The following MIPOL1 variants were observed in gnomAD, a reference collection of about 807,000 sequenced individuals.
The protein encoded by MIPOL1 is mirror-image polydactyly 1.
In MIPOL1, 57 loss-of-function variants were observed where a neutral mutation model predicts 60.9. The ratio of observed to expected loss-of-function variants is 0.94; its 90% CI spans 0.76 to 1.17. MIPOL1 has a LOEUF of 1.17. Among genes scored for constraint, MIPOL1 ranks in the 50% most tolerant of loss-of-function variants. MIPOL1 has a pLI of 0.00. For synonymous variants in MIPOL1, 179 were observed against 168.8 expected, an observed-to-expected ratio of 1.06 and a Z score of -0.47; for missense variants, 551 against 511.6, an observed-to-expected ratio of 1.08 and a Z score of -0.74.
At chr14:37,529,430 G>T (rs1288330875) in intron 12 of MIPOL1, among the ~76,000 whole-genome samples, 1 of 152,100 alleles carries the variant, frequency 6.6e-6, no homozygotes, top group East Asian at 1.9e-4. Context: ...TACTGCTGCA[G>T]TAAACATACT....
chr14:37,320,536 A>G (rs562249753), intron 9 of MIPOL1, among the ~76,000 whole-genome samples: 1 of 152,098 alleles, frequency 6.6e-6, no homozygotes, highest in East Asian at 1.9e-4. Flanking sequence ...ATATATATTT[A>G]TACAGTCTGT....
intron 12 of MIPOL1, chr14:37,506,866 T>C (rs1045417096): frequency 1.3e-5 from 2 of 151,916 alleles, no homozygotes; most frequent in African/African-American, 2.4e-5. Flanking sequence ...TGGGCTAATA[T>C]CCAGAATGTA....
intron 1 of MIPOL1, among the ~76,000 whole-genome samples, chr14:37,205,446 ATGGC>A (rs2139179355): frequency 6.6e-6 from 1 of 151,952 alleles, no homozygotes; most frequent in African/African-American, 2.4e-5. Context: ...AAGAGGTGAC[ATGGC>A]TGCTGTTAAA....
chr14:37,514,123 T>A (rs1296059682), intron 12 of MIPOL1, among the ~76,000 whole-genome samples: 1 of 152,202 alleles, frequency 6.6e-6, no homozygotes, highest in African/African-American at 2.4e-5. Flanking sequence ...CATGTGATTT[T>A]CACATATCTA....
rs563616618 is a variant in MIPOL1 at position 37,314,368 on chromosome 14, A to G, written c.828+5849A>G. ...CCAATATAGGCTGCAAGCCTATACC[A>G]AGCACCAAGCTGAAGGAGTAAACTA... On this transcript the variant is annotated intron_variant, in intron 9 of 12. Transcript: ENST00000684589. Among the ~76,000 whole-genome samples, 21 of 152,310 alleles carry G rather than the reference A, an allele frequency of 1.4e-4. No homozygotes were observed. The South Asian group carries it at 4.1e-3, about 30-fold the overall frequency.
At chr14:37,529,920 TAAG>T (rs1251018974) in intron 12 of MIPOL1, among the ~76,000 whole-genome samples, 1 of 152,164 alleles carries the variant, frequency 6.6e-6, no homozygotes, top group Admixed American at 6.5e-5. Context: ...TGATAGGAAA[TAAG>T]AAGCCATTGC....
At chr14:37,398,203 G>T (rs1333014789) in intron 10 of MIPOL1, among the ~76,000 whole-genome samples, 3 of 152,096 alleles carry the variant, frequency 2.0e-5, no homozygotes, top group African/African-American at 7.2e-5. Flanking sequence ...TCAGCTCCAG[G>T]TAATTTCGGA....
intron 9 of MIPOL1, among the ~76,000 whole-genome samples, chr14:37,363,140 C>G (rs1408600030): frequency 6.6e-6 from 1 of 152,136 alleles, no homozygotes; most frequent in Non-Finnish European, 1.5e-5. Context: ...CTGCATCTAG[C>G]TTTGTTTCAT....
At chr14:37,349,547 C>T (rs146892006) in intron 9 of MIPOL1, among the ~76,000 whole-genome samples, 48 of 152,296 alleles carry the variant, frequency 3.2e-4, no homozygotes, top group Non-Finnish European at 5.0e-4. Context: ...GGCCTTTGCA[C>T]TTACTGTTCC....
chr14:37,254,224 A>G (rs1974555926), intron 3 of MIPOL1, among the ~76,000 whole-genome samples: 2 of 151,814 alleles, frequency 1.3e-5, no homozygotes, highest in African/African-American at 2.4e-5. Flanking sequence ...AGTTTATTAA[A>G]TACGATTCTG....
intron 9 of MIPOL1, among the ~76,000 whole-genome samples, chr14:37,354,665 C>T (rs1375900251): frequency 3.4e-5 from 2 of 59,292 alleles, no homozygotes; most frequent in African/African-American, 6.5e-5. Flanking sequence ...TATGTAATGG[C>T]CTTTTTTGTC....
At chr14:37,219,921 T>C (rs1968459304) in intron 1 of MIPOL1, among the ~76,000 whole-genome samples, 1 of 152,202 alleles carries the variant, frequency 6.6e-6, no homozygotes, top group South Asian at 2.1e-4. Flanking sequence ...GTAATATCTT[T>C]GTTTTATATT....
At chr14:37,511,600 GT>G (rs2095328237) in intron 12 of MIPOL1, among the ~76,000 whole-genome samples, 1 of 152,168 alleles carries the variant, frequency 6.6e-6, no homozygotes, top group African/African-American at 2.4e-5. Flanking sequence ...TTATGCTATA[GT>G]TTCGTTTCCA....
chr14:37,508,450 G>A (rs72674231), intron 12 of MIPOL1, among the ~76,000 whole-genome samples: 13,817 of 151,960 alleles, frequency 0.091, 856 homozygotes, highest in Non-Finnish European at 0.14. Flanking sequence ...AAATTCAATG[G>A]CTCATTTTAA....
chr14:37,312,854 G>A (rs893775135), intron 9 of MIPOL1, among the ~76,000 whole-genome samples: 2 of 151,998 alleles, frequency 1.3e-5, no homozygotes, highest in African/African-American at 4.8e-5. Flanking sequence ...AGAAATATCT[G>A]GAATCAGAAG....
chr14:37,455,513 G>A (rs1260756571), intron 11 of MIPOL1, among the ~76,000 whole-genome samples: 1 of 151,986 alleles, frequency 6.6e-6, no homozygotes, highest in Non-Finnish European at 1.5e-5. Flanking sequence ...CTCTTGTCGT[G>A]TACTTGAGGC....
rs375852305 is a variant in MIPOL1 at position 37,549,789 on chromosome 14, T to C, written c.*2818T>C. The C allele has an allele frequency of 3.4e-4, 52 of 152,128 alleles. 1 individual carries two copies. The highest frequency in any genetic ancestry group is 1.3e-3 in the African/African-American group (52 of 41,574). The allele number at this position is 152,128 out of a possible 1,614,324, so 9.4% of individuals were successfully genotyped here. A position where few individuals can be genotyped will look rare whatever the true frequency, so the allele number is the denominator to read the frequency against. On this transcript the variant is annotated 3_prime_UTR_variant, in exon 13 of 13. Coordinates refer to ENST00000684589, the MANE Select transcript of MIPOL1 (RefSeq NM_001388067.1). ...TCTCTATGGTATTATAGTGGCAGTA[T>C]GCTTTGCCTCAGCCTTCACTAATTA...
At chr14:37,259,874 A>T (rs1269717437) in intron 3 of MIPOL1, among the ~76,000 whole-genome samples, 1 of 152,138 alleles carries the variant, frequency 6.6e-6, no homozygotes, top group African/African-American at 2.4e-5. Flanking sequence ...ATGATTAAAC[A>T]TATCACCGGG....
intron 3 of MIPOL1, chr14:37,265,245 G>A (rs954113023): frequency 6.6e-6 from 1 of 152,058 alleles, no homozygotes; most frequent in African/African-American, 2.4e-5. Context: ...CTTTTTTGGA[G>A]CAAATGCCTT....
Sources: allele counts gnomAD v4.1 joint callset (sites outside exome capture counted in the v4.1 genomes callset), GRCh38; gene constraint gnomAD v4.1.1; transcripts MANE v1.5; gene names NCBI Gene and HGNC (gene_info 2026-07-23, HGNC 2026-07-21).